Variants in SMG1 observed in about 807,000 individuals in gnomAD.
SMG1 encodes serine/threonine-protein kinase SMG1.
A neutral mutation model predicts 419.9 loss-of-function variants in SMG1; 22 were observed. The observed-to-expected ratio is 0.05, with a 90% confidence interval of 0.04 to 0.07. SMG1 has a LOEUF of 0.07. SMG1 is among the 10% of genes least tolerant of loss of function. The pLI, the probability that SMG1 is intolerant of heterozygous loss-of-function variation, is 1.00. For synonymous variants in SMG1, 1,538 were observed against 1,553.5 expected (o/e 0.99, Z 0.23); for missense variants, 3,185 against 4,342.0 (o/e 0.73, Z 7.49).
At chr16:18,812,766 A>G (rs2031589317) in intron 60 of SMG1, among the ~76,000 whole-genome samples, 1 of 151,858 alleles carries the variant, frequency 6.6e-6, no homozygotes, top group Non-Finnish European at 1.5e-5. Context: ...GGTGTGCTGC[A>G]CCCATTAACT....
intron 51 of SMG1, among the ~76,000 whole-genome samples, chr16:18,831,407 C>CA (rs1489255995): frequency 6.6e-6 from 1 of 152,050 alleles, no homozygotes; most frequent in African/African-American, 2.4e-5. Flanking sequence ...CCAAAGTACA[C>CA]ATTTAGGTAA....
intron 62 of SMG1, among the ~76,000 whole-genome samples, chr16:18,810,443 A>G (rs2031275385): frequency 6.6e-6 from 1 of 152,236 alleles, no homozygotes. Flanking sequence ...TCTAGATATT[A>G]AAGCAGATCA....
intron 37 of SMG1, 23 bp downstream of exon 37, chr16:18,847,793 A>G (rs752298577): frequency 1.2e-6 from 2 of 1,605,218 alleles, no homozygotes; most frequent in Admixed American, 1.7e-5. Flanking sequence ...AAATTCTTCT[A>G]CAACATGTGA....
chr16:18,923,838 G>A (rs546217951), intron 1 of SMG1, among the ~76,000 whole-genome samples: 5 of 152,140 alleles, frequency 3.3e-5, no homozygotes, highest in South Asian at 2.1e-4. Context: ...GGAGTCTGTC[G>A]TCTTTCTGAA....
chr16:18,855,013 G>T, intron 29 of SMG1, 109 bp from the exon 30 acceptor site: 1 of 968,422 alleles, frequency 1.0e-6, no homozygotes, highest in Non-Finnish European at 1.5e-6. Context: ...ACCACCTCCT[G>T]AAACAAAGAT....
chr16:18,831,947 C>T (rs2033213397), intron 51 of SMG1, among the ~76,000 whole-genome samples: 1 of 151,750 alleles, frequency 6.6e-6, no homozygotes, highest in African/African-American at 2.4e-5. Flanking sequence ...AATGGCACCA[C>T]AGTCAAGAAA....
Position 18,847,556 on chromosome 16 carries a change from G to A in SMG1, c.5893C>T (p.Leu1965Phe), listed in dbSNP as rs1215599983. 1 of 1,613,880 alleles carries A rather than the reference G, an allele frequency of 6.2e-7. No homozygotes were observed. ...TGTTGCAGCAAAACTCCCAGCCAGA[G>A]CTCATCCCAGAGCACAGTGACCCTG... The part of the protein sequence containing the change: ...LRRVTVLWDE[L>F]WLGVLLQQHM... The change falls in exon 38 of 63, where the codon CTC becomes TTC. Residue 1965 changes from leucine to phenylalanine, a missense_variant. Leu to Phe is a conservative substitution (Grantham distance 22). Around this residue, in one of 27 missense-constraint regions of SMG1, gnomAD observed 130 missense variants for 162.0 expected, o/e 0.80. Transcript: ENST00000446231.
intron 25 of SMG1, among the ~76,000 whole-genome samples, chr16:18,862,364 C>T (rs1459471990): frequency 1.3e-5 from 2 of 152,278 alleles, no homozygotes; most frequent in Admixed American, 6.5e-5. Flanking sequence ...TCTTCAGAGG[C>T]TTCTCTCTGG....
At chr16:18,845,719 C>G (rs773235513) in intron 38 of SMG1, 68 bp from the exon 39 acceptor site, 87 of 1,151,826 alleles carry the variant, frequency 7.6e-5, no homozygotes, top group Non-Finnish European at 1.1e-4. Context: ...AAACATGCAA[C>G]AATTTCAATA....
In SMG1 at chr16:18,866,644, T is replaced by A; in HGVS notation, c.3327A>T (p.Ser1109=). ...ACCTCCCTTCAGCCTGTTGAGCCAC[T>A]GAGTTAATCCACAGAAGATTTTTTC... ...IVGKNLLWIN[S]VAQQAEGRFE... is the part of the protein sequence containing the mutation. The change falls in exon 23 of 63, where the codon TCA becomes TCT. Residue 1109 remains serine, a synonymous_variant. Coordinates refer to ENST00000446231, the MANE Select transcript of SMG1 (RefSeq NM_015092.5). The A allele has an allele frequency of 6.3e-7, 1 of 1,593,834 alleles. No individual in the cohort carries two copies. Among genetic ancestry groups the A allele is most frequent in the Non-Finnish European group, 8.5e-7 (1 of 1,176,410 alleles).
intron 14 of SMG1, 39 bp from the exon 15 acceptor site, chr16:18,872,384 C>A (rs1159009160): frequency 4.2e-5 from 63 of 1,512,946 alleles, no homozygotes; most frequent in Non-Finnish European, 5.5e-5. Flanking sequence ...CATCTTTAAT[C>A]AAAGAAAGCA....
intron 50 of SMG1, 56 bp from the exon 51 acceptor site, chr16:18,833,222 C>T: frequency 7.2e-7 from 1 of 1,390,584 alleles, no homozygotes; most frequent in Non-Finnish European, 9.9e-7. Flanking sequence ...CTAAGTTACA[C>T]ATTTGGAGAC....
In SMG1 at chr16:18,827,597, A is replaced by C. The variant is rs187667815; in HGVS notation, c.9741+434T>G. Among the ~76,000 whole-genome samples, 230 of 133,744 alleles carry C rather than the reference A, an allele frequency of 1.7e-3. 4 individuals carry two copies. Among genetic ancestry groups the C allele is most frequent in the Middle Eastern group, 7.9e-3 (2 of 254 alleles). The allele number at this position is 133,744 out of a possible 152,430, so 87.7% of individuals were successfully genotyped here. On this transcript the variant is annotated intron_variant, in intron 55 of 62. Transcript: ENST00000446231. ...TACCAAAATATATATTTTTAGATAT[A>C]TTTGGTATAAATATACCAAAATATA...
At chr16:18,899,265 A>AAATTTCAAACT (rs1240938301) in intron 1 of SMG1, among the ~76,000 whole-genome samples, 13 of 152,168 alleles carry the variant, frequency 8.5e-5, no homozygotes, top group Admixed American at 2.0e-4. Context: ...ACTAAACTGT[A>AAATTTCAAACT]AAACCAGGAG....
chr16:18,857,966 G>A (rs753279779), intron 29 of SMG1: 3 of 350,478 alleles, frequency 8.6e-6, no homozygotes, highest in South Asian at 1.2e-4. Context: ...CTGCTGACAG[G>A]GGCAAATGAG....
At position 18,812,135 on chromosome 16, in the gene SMG1, GA is replaced by G; in HGVS notation, c.10622-9del. 3.7e-6 allele frequency: 6 copies of G among 1,607,336 alleles called. No individual in the cohort carries two copies. The highest frequency in any genetic ancestry group is 5.1e-6 in the Non-Finnish European group (6 of 1,176,630). On this transcript the variant is annotated splice_polypyrimidine_tract_variant and intron_variant, in intron 60 of 62. Coordinates refer to ENST00000446231, the MANE Select transcript of SMG1 (RefSeq NM_015092.5). ...CAGTGTTACTCCGGACTGCTACAGA[GA>G]AAGAGTTGGTGGCTCAATTTACATG...
intron 62 of SMG1, among the ~76,000 whole-genome samples, chr16:18,810,280 T>C (rs1033917870): frequency 2.0e-5 from 3 of 152,210 alleles, no homozygotes; most frequent in African/African-American, 7.2e-5. Flanking sequence ...GAAACATCAC[T>C]GATGTTGCAT....
At chr16:18,835,493 T>C (rs1280695255) in intron 48 of SMG1, among the ~76,000 whole-genome samples, 2 of 151,632 alleles carry the variant, frequency 1.3e-5, no homozygotes, top group Non-Finnish European at 2.9e-5. Flanking sequence ...ATATAAAAAT[T>C]GTTCAGGCGT....
Position 18,816,475 on chromosome 16 carries a change from T to C in SMG1, c.10129A>G (p.Lys3377Glu). ...GSSEWLLSAH[K>E]QLTQDMSTQR... The stretch of plus-strand genomic sequence containing the variant: ...GTAGACATATCCTGGGTCAACTGTT[T>C]GTGTGCTGACAAAAGCCATTCAGAG... The change falls in exon 58 of 63, where the codon AAA (lysine) becomes GAA (glutamate). Residue 3377 changes from lysine to glutamate, a missense_variant. Coordinates refer to ENST00000446231, the MANE Select transcript of SMG1 (RefSeq NM_015092.5). 1.2e-6 allele frequency: 2 copies of C among 1,613,968 alleles called. No individual in the cohort carries two copies. The highest frequency in any genetic ancestry group is 1.7e-6 in the Non-Finnish European group (2 of 1,179,864).
Sources: gnomAD v4.1 joint callset for allele counts (sites outside exome capture counted in the v4.1 genomes callset) on GRCh38, gnomAD v4.1.1 for gene constraint, gnomAD v4.1.1 regional missense constraint, MANE v1.5 for transcripts, NCBI Gene and HGNC (gene_info 2026-07-23, HGNC 2026-07-21) for gene names.